The following CFAP47 variants were observed in gnomAD, a reference collection of about 807,000 sequenced individuals.
CFAP47 encodes the protein cilia and flagella associated protein 47.
Under a neutral mutation model 148.1 loss-of-function variants are expected in CFAP47, and 29 were observed. The observed-to-expected ratio is 0.20, with a 90% CI of 0.15 to 0.27. The LOEUF (loss-of-function observed/expected upper bound fraction) is 0.27. Ranked by LOEUF, CFAP47 falls within the 10% of genes least tolerant of loss-of-function variation. CFAP47 has a pLI of 1.00. For synonymous variants in CFAP47, 664 were observed against 577.3 expected, an observed-to-expected ratio of 1.15 and a Z score of -2.15; for missense variants, 1,872 against 1,697.5, an observed-to-expected ratio of 1.10 and a Z score of -1.81.
intron 21 of CFAP47, among the ~76,000 whole-genome samples, chrX:36,005,080 C>T: frequency 9.1e-6 from 1 of 110,043 alleles, no homozygotes; most frequent in Non-Finnish European, 1.9e-5. Flanking sequence ...TAAAATTGAG[C>T]CATCTCTCTT....
intron 46 of CFAP47, 64 bp downstream of exon 46, chrX:36,228,888 C>T (rs1940303188): frequency 4.2e-6 from 2 of 470,972 alleles, no homozygotes; most frequent in Non-Finnish European, 7.6e-6. Context: ...TTAAAGTCCT[C>T]CAGACCTCTC....
intron 48 of CFAP47, among the ~76,000 whole-genome samples, chrX:36,251,082 A>T (rs1940685656): frequency 9.0e-6 from 1 of 111,302 alleles, no homozygotes; most frequent in Non-Finnish European, 1.9e-5. Context: ...GAATATAAGC[A>T]TCATTTGTTT....
intron 2 of CFAP47, among the ~76,000 whole-genome samples, chrX:35,934,148 G>A (rs901245358): frequency 2.7e-5 from 3 of 111,136 alleles, no homozygotes; most frequent in Admixed American, 1.9e-4. Context: ...TCTATGCTCA[G>A]TCTAATGTTC....
At chrX:36,141,289 A>G (rs751661171) in intron 35 of CFAP47, among the ~76,000 whole-genome samples, 72 of 111,103 alleles carry the variant, frequency 6.5e-4, no homozygotes, top group African/African-American at 1.7e-3. Context: ...CAAATCTAAA[A>G]GCCAGATAGC....
intron 13 of CFAP47, among the ~76,000 whole-genome samples, chrX:35,973,338 C>T (rs888629028): frequency 2.2e-4 from 24 of 110,487 alleles, no homozygotes; most frequent in Middle Eastern, 4.6e-3. Context: ...TACAGGCATC[C>T]GCCACCACAC....
chrX:36,009,809 T>C (rs1937019402), intron 21 of CFAP47, among the ~76,000 whole-genome samples: 1 of 112,102 alleles, frequency 8.9e-6, no homozygotes, highest in Admixed American at 9.5e-5. Flanking sequence ...CAGCTCCTCA[T>C]TTTATTTAAA....
chrX:35,963,264 A>G (rs1488659719), intron 8 of CFAP47, among the ~76,000 whole-genome samples: 1 of 110,267 alleles, frequency 9.1e-6, no homozygotes, highest in Non-Finnish European at 1.9e-5. Context: ...AATGGTGGCT[A>G]TGGTTAATAA....
rs57713592 is a variant in CFAP47, at chrX:36,170,924, G to T, written c.6027-8421G>T. 5.0e-3 allele frequency among the ~76,000 whole-genome samples: 536 copies of T among 107,937 alleles called. 8 individuals carry two copies. Among genetic ancestry groups the T allele is most frequent in the African/African-American group, 0.017 (506 of 29,003 alleles). The allele number at this position is 107,937 out of a possible 115,157, so 93.7% of individuals were successfully genotyped here. On this transcript the variant is annotated intron_variant, in intron 39 of 63. Transcript: ENST00000378653. ...TTACAGTCCCACCAACAGTGTAAAAGTGTTCCTATTTCTCCACATCCTCTC... is the reference window on the plus strand; with the variant it reads ...TTACAGTCCCACCAACAGTGTAAAATTGTTCCTATTTCTCCACATCCTCTC...
intron 62 of CFAP47, among the ~76,000 whole-genome samples, chrX:36,370,989 G>C (rs929402714): frequency 2.7e-5 from 3 of 111,046 alleles, no homozygotes; most frequent in Admixed American, 9.6e-5. Context: ...TATGTAAAGC[G>C]TTAGTGTATC....
chrX:36,099,830 A>G lies in CFAP47; in HGVS notation c.5078A>G (p.Glu1693Gly). 1.0e-6 allele frequency: 1 copy of G among 967,801 alleles called. No homozygotes were observed. Among genetic ancestry groups the G allele is most frequent in the Non-Finnish European group, 1.5e-6 (1 of 674,250 alleles). 79.8% of individuals were successfully genotyped at this position (967,801 alleles called of 1,213,427 possible). ...CSIVIEMSKF[E>G]AWSKRAWTDV... ...ATTGTTATAGAAATGTCTAAATTTG[A>G]AGCCTGGAGTAAACGGGCATGGACA... is the stretch of plus-strand genomic sequence containing the variant. The change falls in exon 32 of 64, where the codon GAA (glutamate) becomes GGA (glycine). Residue 1693 changes from glutamate (E) to glycine (G), a missense_variant. Coordinates refer to ENST00000378653, the MANE Select transcript of CFAP47 (RefSeq NM_001304548.2).
chrX:35,992,060 C>T, intron 17 of CFAP47, 117 bp downstream of exon 17: 1 of 276,096 alleles, frequency 3.6e-6, no homozygotes, highest in Non-Finnish European at 6.4e-6. Context: ...ATTAAATTTA[C>T]CTGAGTATAG....
chrX:36,184,631 A>AAAAT (rs1357354287), intron 40 of CFAP47, among the ~76,000 whole-genome samples: 3 of 112,055 alleles, frequency 2.7e-5, no homozygotes, highest in Non-Finnish European at 3.8e-5. Flanking sequence ...TTTTGTTAAA[A>AAAAT]AAATAAATAA....
chrX:36,229,960 A>G (rs1940322817), intron 46 of CFAP47, among the ~76,000 whole-genome samples: 1 of 105,496 alleles, frequency 9.5e-6, no homozygotes, highest in South Asian at 4.5e-4. Context: ...TTATGGCTGC[A>G]TAGTATTCCA....
intron 22 of CFAP47, among the ~76,000 whole-genome samples, chrX:36,025,681 A>G (rs984722310): frequency 1.8e-5 from 2 of 111,871 alleles, no homozygotes; most frequent in Admixed American, 9.5e-5. Flanking sequence ...TATTATTTCA[A>G]TGTTCAGTTT....
At chrX:36,163,879 G>A (rs1939459285) in intron 39 of CFAP47, among the ~76,000 whole-genome samples, 1 of 111,521 alleles carries the variant, frequency 9.0e-6, no homozygotes, top group African/African-American at 3.3e-5. Flanking sequence ...CAAAGTGCTG[G>A]AATTACAGGC....
intron 62 of CFAP47, among the ~76,000 whole-genome samples, chrX:36,372,199 T>A (rs1055565280): frequency 5.7e-5 from 6 of 105,332 alleles, no homozygotes; most frequent in Non-Finnish European, 9.8e-5. Context: ...AGCTACTTTC[T>A]TTAAAAAAAA....
chrX:36,210,163 A>T (rs1050095091), intron 45 of CFAP47, among the ~76,000 whole-genome samples: 7 of 112,276 alleles, frequency 6.2e-5, no homozygotes, highest in Non-Finnish European at 9.4e-5. Flanking sequence ...TGCTATCAAC[A>T]TTTGTGTACA....
intron 25 of CFAP47, among the ~76,000 whole-genome samples, chrX:36,043,809 G>T (rs966380057): frequency 3.6e-5 from 4 of 112,671 alleles, no homozygotes; most frequent in Non-Finnish European, 7.5e-5. Context: ...ACTAGGCAGT[G>T]TTCCAGTGGA....
chrX:36,170,059 G>C (rs1017620329), intron 39 of CFAP47, among the ~76,000 whole-genome samples: 1 of 111,325 alleles, frequency 9.0e-6, no homozygotes, highest in Non-Finnish European at 1.9e-5. Flanking sequence ...TGGATGCAAG[G>C]CTGCTGCAGA....
Sources: allele counts gnomAD v4.1 joint callset (sites outside exome capture counted in the v4.1 genomes callset), GRCh38; gene constraint gnomAD v4.1.1; transcripts MANE v1.5; gene names NCBI Gene and HGNC (gene_info 2026-07-23, HGNC 2026-07-21).